The following MACF1 variants were observed in gnomAD, a reference collection of about 807,000 sequenced individuals.
MACF1 encodes the protein microtubule actin crosslinking factor 1.
In MACF1, 193 loss-of-function variants were observed where a neutral mutation model predicts 854.8. The observed-to-expected ratio is 0.23, with a 90% CI of 0.20 to 0.25. The LOEUF is 0.25. Ranked by LOEUF, MACF1 falls within the 10% of genes least tolerant of loss-of-function variation. The pLI, the probability that MACF1 is intolerant of heterozygous loss-of-function variation, is 1.00. For synonymous variants in MACF1, 3,185 were observed against 3,226.7 expected (o/e 0.99, Z 0.44); for missense variants, 7,722 against 8,929.1 (o/e 0.86, Z 5.45).
chr1:39,359,031 C>T (rs972672894), intron 46 of MACF1, 110 bp from the exon 47 acceptor site: 2 of 1,445,176 alleles, frequency 1.4e-6, no homozygotes, highest in African/African-American at 2.8e-5. Context: ...ATATTTATGG[C>T]TATGGTTAAA....
chr1:39,325,356 T>C (rs1158329369), intron 35 of MACF1, among the ~76,000 whole-genome samples: 1 of 152,236 alleles, frequency 6.6e-6, no homozygotes, highest in Non-Finnish European at 1.5e-5. Flanking sequence ...TAGAAGTCTT[T>C]GGTGCCTCTG....
At chr1:39,201,456 G>A (rs890979858), upstream of MACF1, among the ~76,000 whole-genome samples, 2 of 152,020 alleles carry the variant, frequency 1.3e-5, no homozygotes, top group African/African-American at 4.8e-5. Flanking sequence ...GGATTCAAGC[G>A]ATTCTTCTGC....
rs201777382 is a variant in MACF1, at chr1:39,458,502, G to T, written c.21196+12G>T. On this transcript the variant is annotated intron_variant, in intron 90 of 100. Transcript: ENST00000564288. ...CCGCAGCGGAGGCAGTATGTTTCCA[G>T]CCCCCTGTGTTAGGATGCTTCATTC... The T allele has an allele frequency of 5.7e-4, 913 of 1,610,624 alleles. 1 individual carries two copies. Among genetic ancestry groups the T allele is most frequent in the Non-Finnish European group, 7.1e-4 (833 of 1,178,426 alleles).
chr1:39,282,431 A>T lies in MACF1; in HGVS notation c.695+57A>T, dbSNP rs143061343. 53 of 1,517,430 alleles carry T rather than the reference A, an allele frequency of 3.5e-5. No homozygotes were observed. The African/African-American group carries it at 5.4e-4, about 15-fold the overall frequency. The allele number at this position is 1,517,430 out of a possible 1,614,324, so 94.0% of individuals were successfully genotyped here. On this transcript the variant is annotated intron_variant, in intron 7 of 100. Transcript: ENST00000564288. ...GGGCTTTTTCTCATCTCTTGTTTGTAATTAGTTATAATACTGTTTCCATCT... is the reference window on the plus strand; with the variant it reads ...GGGCTTTTTCTCATCTCTTGTTTGTTATTAGTTATAATACTGTTTCCATCT...
intron 58 of MACF1, among the ~76,000 whole-genome samples, chr1:39,393,480 T>C (rs1557628187): frequency 6.6e-6 from 1 of 151,898 alleles, no homozygotes; most frequent in Non-Finnish European, 1.5e-5. Context: ...ATTTGGGTCA[T>C]GCTTCAGACT....
At chr1:39,310,802 A>G (rs1444896564) in intron 25 of MACF1, 29 bp from the exon 26 acceptor site, 1 of 1,581,810 alleles carries the variant, frequency 6.3e-7, no homozygotes. Flanking sequence ...TGTCGAGCTT[A>G]CTGGTCTTTT....
At chr1:39,268,547 G>A (rs1038191566) in intron 6 of MACF1, 10 of 1,170,848 alleles carry the variant, frequency 8.5e-6, no homozygotes, top group African/African-American at 8.1e-5. Context: ...ACAGAGAGAG[G>A]CGGGGAGGGA....
In MACF1 at chr1:39,285,382, C is replaced by G; in HGVS notation, c.1345C>G (p.Leu449Val). The part of the protein sequence containing the change: ...EEKLTLAKNT[L>V]QADAAHLESG... ...AAAACTGACACTAGCTAAGAATACA[C>G]TGCAGGCTGTAAGTCTCTGACTGTT... Residue 449 changes from leucine (L) to valine (V), a missense_variant, in exon 13 of 101, where the codon CTG becomes GTG. Physicochemically the swap from Leu to Val is conservative, Grantham distance 32. This residue lies in a region of MACF1 where 1,137 missense variants were observed against 1,263.0 expected (regional missense o/e 0.90). Transcript: ENST00000564288. 5 of 1,613,908 alleles carry G rather than the reference C, an allele frequency of 3.1e-6. No homozygotes were observed. The highest frequency in any genetic ancestry group is 4.2e-6 in the Non-Finnish European group (5 of 1,180,020).
At position 39,361,256 on chromosome 1, in the gene MACF1, A is replaced by G; in HGVS notation, c.12454-104A>G. ...TGTGGTATTCTGGAGGCTCGGTTGC[A>G]GTCCTCCAGTCCCCCTTGTGAGATA... On this transcript the variant is annotated intron_variant, in intron 48 of 100. Coordinates refer to ENST00000564288, the MANE Select transcript of MACF1 (RefSeq NM_001394062.1). 3.6e-6 allele frequency: 4 copies of G among 1,125,842 alleles called. No homozygotes were observed. The South Asian group carries it at 6.2e-5, about 17-fold the overall frequency. 69.7% of individuals were successfully genotyped at this position (1,125,842 alleles called of 1,614,324 possible). A position where few individuals can be genotyped will look rare whatever the true frequency, so the allele number is the denominator to read the frequency against.
intron 79 of MACF1, among the ~76,000 whole-genome samples, chr1:39,444,077 T>C (rs1278378429): frequency 6.6e-6 from 1 of 152,228 alleles, no homozygotes; most frequent in African/African-American, 2.4e-5. Flanking sequence ...GGCTCACGCC[T>C]GTAATCCCAG....
At chr1:39,358,512 T>C (rs1441370359) in intron 45 of MACF1, among the ~76,000 whole-genome samples, 185 bp from the exon 46 acceptor site, 2 of 152,190 alleles carry the variant, frequency 1.3e-5, no homozygotes, top group Non-Finnish European at 2.9e-5. Context: ...GTGAATAGTA[T>C]GGAGCAAACA....
In MACF1 at chr1:39,163,075, G is replaced by A. The variant is rs1349463454; in HGVS notation, c.221-68107G>A. 3.9e-5 allele frequency among the ~76,000 whole-genome samples: 6 copies of A among 152,088 alleles called. No homozygotes were observed. In the East Asian group the frequency reaches 5.8e-4, roughly 15 times the overall value. On this transcript the variant is annotated intron_variant, in intron 2 of 93. Coordinates refer to the MACF1 transcript ENST00000361689. The stretch of plus-strand genomic sequence containing the variant: ...CCTCATAAGAAACTCCATAGTCGCC[G>A]GGCATGGTGGCTCACGCCTGTAATC...
At position 39,112,403 on chromosome 1, in the gene MACF1, A is replaced by G. The variant is rs1237729352; in HGVS notation, c.220+27965A>G. Among the ~76,000 whole-genome samples, 7 of 152,124 alleles carry G rather than the reference A, an allele frequency of 4.6e-5. No homozygotes were observed. The East Asian group carries it at 1.3e-3, about 29-fold the overall frequency. On this transcript the variant is annotated intron_variant, in intron 2 of 93. Transcript: ENST00000361689. ...CTGGCCACAGTAAAATCTTTAAAAG[A>G]TTTTTATTAAAGAAGTAAGATGTAA...
intron 1 of MACF1, among the ~76,000 whole-genome samples, chr1:39,216,264 A>C (rs926795892): frequency 1.3e-5 from 2 of 152,168 alleles, no homozygotes; most frequent in African/African-American, 4.8e-5. Flanking sequence ...TTTATGAAAG[A>C]ATTGTTATTA....
Position 39,439,413 on chromosome 1 carries a change from C to A in MACF1, c.18360C>A (p.Thr6120=), listed in dbSNP as rs779691009. 1 of 1,614,112 alleles carries A rather than the reference C, an allele frequency of 6.2e-7. No homozygotes were observed. The highest frequency in any genetic ancestry group is 1.1e-5 in the South Asian group (1 of 91,074). ...FWYDMAALLT[T]IKDTQDIVHD... ...ATGACATGGCAGCTCTCCTGACCAC[C>A]ATCAAAGACACCCAGGATATTGTCC... Residue 6120 remains threonine, a synonymous_variant, in exon 72 of 101, where the codon ACC becomes ACA. Coordinates refer to ENST00000564288, the MANE Select transcript of MACF1 (RefSeq NM_001394062.1).
intron 37 of MACF1, among the ~76,000 whole-genome samples, 159 bp downstream of exon 37, chr1:39,336,812 CTGTT>C (rs1339046527): frequency 9.2e-5 from 14 of 152,238 alleles, no homozygotes; most frequent in African/African-American, 3.4e-4. Flanking sequence ...TTATCATCAT[CTGTT>C]TGTAGCAAAG....
chr1:39,485,482 G>T (rs961285446), intron 100 of MACF1, 56 bp from the exon 101 acceptor site: 2 of 1,509,910 alleles, frequency 1.3e-6, no homozygotes, highest in Non-Finnish European at 1.8e-6. Flanking sequence ...CTGCTCACTT[G>T]TTCTTCCACC....
Position 39,388,452 on chromosome 1 carries a change from G to T in MACF1, c.15610G>T (p.Ala5204Ser), listed in dbSNP as rs778217532. The T allele has an allele frequency of 1.9e-6, 3 of 1,614,156 alleles. No individual in the cohort carries two copies. Among genetic ancestry groups the T allele is most frequent in the Non-Finnish European group, 2.5e-6 (3 of 1,180,000 alleles). Residue 5204 changes from alanine to serine, a missense_variant, in exon 58 of 101, where the codon GCC becomes TCC. By Grantham distance (99) the Ala-to-Ser change is moderately conservative. Transcript: ENST00000564288. ...GTTAGGTCTCAAAAGGGAGCTAGAA[G>T]CCCTGAACAAACAGTGTGGCAAACT... ...DLLGLKRELEALNKQCGKLTE... is the reference protein window; with the variant it reads ...DLLGLKRELESLNKQCGKLTE...
intron 44 of MACF1, among the ~76,000 whole-genome samples, chr1:39,354,420 T>A (rs899902272): frequency 6.6e-6 from 1 of 152,164 alleles, no homozygotes; most frequent in Non-Finnish European, 1.5e-5. Flanking sequence ...TTATTTATTT[T>A]TTGAGACAGA....
Sources: allele counts gnomAD v4.1 joint callset (sites outside exome capture counted in the v4.1 genomes callset), GRCh38; gene constraint gnomAD v4.1.1; regional missense constraint gnomAD v4.1.1; transcripts MANE v1.5; gene names NCBI Gene and HGNC (gene_info 2026-07-23, HGNC 2026-07-21).